CFAP206: variants seen among roughly 807,000 people sequenced by gnomAD.
CFAP206 encodes the protein cilia and flagella associated protein 206.
A neutral mutation model predicts 65.4 loss-of-function variants in CFAP206; 53 were observed. The ratio of observed to expected loss-of-function variants is 0.81; its 90% confidence interval spans 0.65 to 1.02. The LOEUF (loss-of-function observed/expected upper bound fraction) is 1.02. Ranked by LOEUF, CFAP206 falls within the 50% of genes least tolerant of loss-of-function variation. CFAP206 has a pLI of 0.00. For synonymous variants in CFAP206, 250 were observed against 254.4 expected (o/e 0.98, Z 0.17); for missense variants, 663 against 753.2 (o/e 0.88, Z 1.40).
At chr6:87,418,561 A>C in intron 7 of CFAP206, 145 bp downstream of exon 7, 1 of 657,336 alleles carries the variant, frequency 1.5e-6, no homozygotes, top group East Asian at 2.7e-5. Context: ...TTAGGAATCA[A>C]AATAGAAACA....
chr6:87,419,480 T>C (rs926053460), intron 7 of CFAP206, among the ~76,000 whole-genome samples: 2 of 152,208 alleles, frequency 1.3e-5, no homozygotes, highest in African/African-American at 4.8e-5. Context: ...GGATATCCCC[T>C]TGACACTCTA....
chr6:87,428,351 C>A (rs981955228), intron 8 of CFAP206, among the ~76,000 whole-genome samples: 2 of 150,282 alleles, frequency 1.3e-5, no homozygotes, highest in African/African-American at 4.9e-5. Context: ...GTCCATAAAT[C>A]TTTCTTAGGT....
At chr6:87,437,847 T>G (rs892956380) in intron 11 of CFAP206, among the ~76,000 whole-genome samples, 1 of 148,882 alleles carries the variant, frequency 6.7e-6, no homozygotes, top group African/African-American at 2.5e-5. Context: ...TTTTTTTTTT[T>G]TTTTAGTTTT....
chr6:87,445,075 C>T (rs1768421004), intron 11 of CFAP206: 2 of 504,026 alleles, frequency 4.0e-6, no homozygotes, highest in African/African-American at 1.9e-5. Context: ...AAGTCAATGG[C>T]TTTCTACGGT....
intron 5 of CFAP206, among the ~76,000 whole-genome samples, 186 bp from the exon 6 acceptor site, chr6:87,416,483 C>A (rs1767831647): frequency 6.6e-6 from 1 of 152,162 alleles, no homozygotes; most frequent in African/African-American, 2.4e-5. Flanking sequence ...TGGCATAACT[C>A]TCAGTAATCC....
At chr6:87,427,435 A>T (rs1768063156) in intron 8 of CFAP206, among the ~76,000 whole-genome samples, 1 of 152,190 alleles carries the variant, frequency 6.6e-6, no homozygotes, top group South Asian at 2.1e-4. Flanking sequence ...CACTGCGCCC[A>T]GCCTATATGT....
chr6:87,445,521 G>A lies in CFAP206; in HGVS notation c.1494+10468G>A, dbSNP rs761601896. On this transcript the variant is annotated intron_variant, in intron 11 of 12. Coordinates refer to ENST00000369562, the MANE Select transcript of CFAP206 (RefSeq NM_001031743.3). ...GCCTTCCAGCCCCATCCATGTCCCC[G>A]CAAAGGACATGATCTCATTCCTTTT... is the stretch of plus-strand genomic sequence containing the variant. Among the ~76,000 whole-genome samples the A allele has an allele frequency of 6.6e-5, 10 of 151,908 alleles. No homozygotes were observed. In the East Asian group the frequency reaches 1.9e-3, roughly 29 times the overall value.
rs759275435 is a variant in CFAP206, at chr6:87,461,011, C to T, written c.1495-11C>T. On this transcript the variant is annotated splice_polypyrimidine_tract_variant and intron_variant, in intron 11 of 12. Coordinates refer to ENST00000369562, the MANE Select transcript of CFAP206 (RefSeq NM_001031743.3). ...TTTACAAGCACTAACTACAAAACTC[C>T]ACTTCTTTAGATGAGAGATGCTGAC... is the stretch of plus-strand genomic sequence containing the variant. 1.0e-5 allele frequency: 16 copies of T among 1,562,776 alleles called. No homozygotes were observed. Among genetic ancestry groups the T allele is most frequent in the Non-Finnish European group, 1.3e-5 (15 of 1,162,554 alleles).
chr6:87,422,478 G>A (rs1262617106), intron 7 of CFAP206, among the ~76,000 whole-genome samples: 2 of 148,420 alleles, frequency 1.3e-5, no homozygotes, highest in Admixed American at 6.7e-5. Flanking sequence ...AAGGCCGGGT[G>A]CGGTGGCTCA....
At chr6:87,415,303 A>G (rs970208924) in intron 4 of CFAP206, among the ~76,000 whole-genome samples, 1 of 150,562 alleles carries the variant, frequency 6.6e-6, no homozygotes, top group Non-Finnish European at 1.5e-5. Context: ...TAGCATAAAT[A>G]TATAATATGT....
intron 6 of CFAP206, 99 bp from the exon 7 acceptor site, chr6:87,418,109 C>A: frequency 1.9e-6 from 2 of 1,063,422 alleles, no homozygotes; most frequent in Non-Finnish European, 2.8e-6. Context: ...GGGAGAAAAA[C>A]CCTAACTTAA....
At chr6:87,427,307 T>C (rs986057412) in intron 8 of CFAP206, among the ~76,000 whole-genome samples, 1 of 152,078 alleles carries the variant, frequency 6.6e-6, no homozygotes, top group Non-Finnish European at 1.5e-5. Flanking sequence ...CCAGCTAATT[T>C]TTTTTGCATT....
At chr6:87,454,952 T>A (rs933791884) in intron 11 of CFAP206, among the ~76,000 whole-genome samples, 4 of 151,760 alleles carry the variant, frequency 2.6e-5, no homozygotes, top group Admixed American at 6.6e-5. Flanking sequence ...TTATGGAGTC[T>A]CCCTCTGTCG....
chr6:87,461,934 C>G (rs562018735), intron 12 of CFAP206, among the ~76,000 whole-genome samples: 23 of 152,240 alleles, frequency 1.5e-4, no homozygotes, highest in African/African-American at 4.1e-4. Context: ...AAGGGGGAAG[C>G]CTTCAGATGT....
chr6:87,418,140 T>G, intron 6 of CFAP206, 68 bp from the exon 7 acceptor site: 1 of 1,398,234 alleles, frequency 7.2e-7, no homozygotes. Flanking sequence ...GTAACTACTT[T>G]CTAGGCTTCT....
At position 87,415,886 on chromosome 6, in the gene CFAP206, A is replaced by G. The variant is rs200065484; in HGVS notation, c.472+12A>G. On this transcript the variant is annotated intron_variant, in intron 5 of 12. Coordinates refer to ENST00000369562, the MANE Select transcript of CFAP206 (RefSeq NM_001031743.3). ...CAGAGAGGTAACAGGTAAAAAGTAT[A>G]ACCAATTTCCATTTCATAAGTGAAA... 216 of 1,474,764 alleles carry G rather than the reference A, an allele frequency of 1.5e-4. No individual in the cohort carries two copies. Among genetic ancestry groups the G allele is most frequent in the Admixed American group, 2.1e-4 (9 of 43,856 alleles). The allele number at this position is 1,474,764 out of a possible 1,614,324, so 91.4% of individuals were successfully genotyped here.
rs1273335601 is a variant in CFAP206, at chr6:87,409,998, A to G, written c.108+51A>G. On this transcript the variant is annotated intron_variant, in intron 2 of 12. Coordinates refer to ENST00000369562, the MANE Select transcript of CFAP206 (RefSeq NM_001031743.3). ...CTGTTTTATTAAGAGGTTTTTTAAG[A>G]TGTGGTGTCCATTTTCCCCTTTAAA... 3 of 1,248,450 alleles carry G rather than the reference A, an allele frequency of 2.4e-6. No individual in the cohort carries two copies. In the African/African-American group the frequency reaches 4.5e-5, roughly 19 times the overall value. 77.3% of individuals were successfully genotyped at this position (1,248,450 alleles called of 1,614,324 possible). A position where few individuals can be genotyped will look rare whatever the true frequency, so the allele number is the denominator to read the frequency against.
chr6:87,449,918 ATTCTTCCAGTAGT>A (rs1206788773), intron 11 of CFAP206, among the ~76,000 whole-genome samples: 1 of 152,140 alleles, frequency 6.6e-6, no homozygotes, highest in East Asian at 1.9e-4. Flanking sequence ...GCCCTGAAAC[ATTCTTCCAGTAGT>A]TTCTTCCAGT....
chr6:87,415,899 T>C, intron 5 of CFAP206, 25 bp downstream of exon 5: 3 of 1,433,904 alleles, frequency 2.1e-6, no homozygotes, highest in Non-Finnish European at 2.8e-6. Context: ...CAATTTCCAT[T>C]TCATAAGTGA....
Sources: gnomAD v4.1 joint callset for allele counts (sites outside exome capture counted in the v4.1 genomes callset) on GRCh38, gnomAD v4.1.1 for gene constraint, MANE v1.5 for transcripts, NCBI Gene and HGNC (gene_info 2026-07-23, HGNC 2026-07-21) for gene names.